IMMT: variants seen among roughly 807,000 people sequenced by gnomAD.
IMMT encodes the protein MICOS complex subunit MIC60.
In IMMT, 40 loss-of-function variants were observed where a neutral mutation model predicts 92.7. That is an observed-to-expected ratio of 0.43 (90% CI 0.34 to 0.56). IMMT has a LOEUF of 0.56. Ranked by LOEUF, IMMT falls within the 20% of genes least tolerant of loss-of-function variation. The pLI is 0.03. For synonymous variants in IMMT, 322 were observed against 336.1 expected (o/e 0.96, Z 0.46); for missense variants, 831 against 912.1 (o/e 0.91, Z 1.14).
chr2:86,178,483 G>T (rs944145227), intron 3 of IMMT, among the ~76,000 whole-genome samples: 3 of 151,194 alleles, frequency 2.0e-5, no homozygotes, highest in African/African-American at 7.3e-5. Flanking sequence ...AAAATTAGCC[G>T]GGTGTGGTGG....
chr2:86,195,064 G>A (rs1297931397), intron 1 of IMMT: 1 of 394,528 alleles, frequency 2.5e-6, no homozygotes. Flanking sequence ...GGTCCTGGAC[G>A]GGGGCAGCGC....
chr2:86,192,072 A>G (rs1047312756), intron 1 of IMMT, among the ~76,000 whole-genome samples: 3 of 152,158 alleles, frequency 2.0e-5, no homozygotes, highest in Non-Finnish European at 4.4e-5. Flanking sequence ...ATCTCTACTA[A>G]AAGTCCAAAA....
In IMMT at chr2:86,143,966, C is replaced by G. The variant is rs2104479959; in HGVS notation, c.*302G>C. On this transcript the variant is annotated 3_prime_UTR_variant, in exon 15 of 15. Transcript: ENST00000410111. ...ATCTTGTTGCTTTATTCAGTTTGCTCCGAGGGCAAAATCAACAGTAGTAGA... is the reference window on the plus strand; with the variant it reads ...ATCTTGTTGCTTTATTCAGTTTGCTGCGAGGGCAAAATCAACAGTAGTAGA... The G allele has an allele frequency of 4.6e-6, 2 of 435,832 alleles. No homozygotes were observed. Among genetic ancestry groups the G allele is most frequent in the East Asian group, 9.4e-5 (2 of 21,260 alleles). The allele number at this position is 435,832 out of a possible 1,614,324, so 27.0% of individuals were successfully genotyped here.
chr2:86,146,374 T>C (rs941957450), intron 13 of IMMT, among the ~76,000 whole-genome samples, 177 bp from the exon 14 acceptor site: 2 of 102,948 alleles, frequency 1.9e-5, no homozygotes, highest in African/African-American at 4.3e-5. Flanking sequence ...GTATATAATA[T>C]ATTTTTTTTT....
chr2:86,191,924 T>A (rs1384500944), intron 1 of IMMT, among the ~76,000 whole-genome samples: 2 of 148,128 alleles, frequency 1.4e-5, no homozygotes, highest in Non-Finnish European at 3.0e-5. Context: ...CAAAAAAAAT[T>A]AATAAATAAA....
Position 86,151,445 on chromosome 2 carries a change from T to A in IMMT, c.1253A>T (p.Glu418Val), listed in dbSNP as rs750909989. 3 of 1,613,920 alleles carry A rather than the reference T, an allele frequency of 1.9e-6. No individual in the cohort carries two copies. In the Admixed American group the frequency reaches 5.0e-5, roughly 27 times the overall value. Residue 418 changes from glutamate (E) to valine (V), a missense_variant, in exon 12 of 15, where the codon GAG (glutamate) becomes GTG (valine). By Grantham distance (121) the Glu-to-Val change is moderately radical (BLOSUM62 -2). Coordinates refer to ENST00000410111, the MANE Select transcript of IMMT (RefSeq NM_006839.3). ...TTCGGTGGCCTTCTGTTCTGCCAGC[T>A]CTCTGTTCAGCTGATCAATACGACG... is the stretch of plus-strand genomic sequence containing the variant. Reference protein sequence around the residue: ...AHRRIDQLNRELAEQKATEKQ... With the variant: ...AHRRIDQLNRVLAEQKATEKQ...
intron 2 of IMMT, among the ~76,000 whole-genome samples, chr2:86,180,415 G>A (rs188682904): frequency 7.9e-5 from 12 of 151,834 alleles, no homozygotes; most frequent in East Asian, 6.0e-4. Flanking sequence ...ACAGGCATGC[G>A]CCACTACGCC....
intron 14 of IMMT, 34 bp from the exon 15 acceptor site, chr2:86,144,915 T>G: frequency 6.4e-7 from 1 of 1,551,126 alleles, no homozygotes; most frequent in Non-Finnish European, 8.7e-7. Context: ...CAAACATTTT[T>G]CTCTCCATCT....
At chr2:86,188,579 C>T (rs371004310) in intron 1 of IMMT, among the ~76,000 whole-genome samples, 1 of 152,062 alleles carries the variant, frequency 6.6e-6, no homozygotes, top group African/African-American at 2.4e-5. Context: ...GTGCATGCCA[C>T]CACACCCAGC....
At chr2:86,160,552 G>A (rs1676195778) in intron 8 of IMMT, among the ~76,000 whole-genome samples, 1 of 152,176 alleles carries the variant, frequency 6.6e-6, no homozygotes, top group African/African-American at 2.4e-5. Flanking sequence ...TAAAAGATAT[G>A]CTAGTTTTAT....
chr2:86,192,020 C>A (rs1200451608), intron 1 of IMMT, among the ~76,000 whole-genome samples: 1 of 152,186 alleles, frequency 6.6e-6, no homozygotes, highest in Non-Finnish European at 1.5e-5. Context: ...ATTGCTTGAG[C>A]CCAGAAGTTC....
At chr2:86,185,198 T>C (rs551803568) in intron 1 of IMMT, among the ~76,000 whole-genome samples, 1 of 150,966 alleles carries the variant, frequency 6.6e-6, no homozygotes, top group Non-Finnish European at 1.5e-5. Flanking sequence ...GAGTTCCAAG[T>C]ATAGTGTTCA....
intron 10 of IMMT, among the ~76,000 whole-genome samples, chr2:86,157,660 C>T (rs1269151273): frequency 6.6e-6 from 1 of 151,982 alleles, no homozygotes; most frequent in African/African-American, 2.4e-5. Context: ...CAGTGGCTCA[C>T]ACCTGTAATC....
chr2:86,162,341 G>GTTT (rs572177860), intron 7 of IMMT, among the ~76,000 whole-genome samples: 4 of 140,228 alleles, frequency 2.9e-5, no homozygotes, highest in East Asian at 4.3e-4. Flanking sequence ...AAGGAGAGTT[G>GTTT]TTTTTTTTTT....
chr2:86,162,211 TA>T (rs1676336513), intron 7 of IMMT, 132 bp from the exon 8 acceptor site: 1 of 562,978 alleles, frequency 1.8e-6, no homozygotes, highest in Non-Finnish European at 3.1e-6. Context: ...TTCTCCAGAG[TA>T]AGAACTCTTA....
At chr2:86,176,101 GGGTAT>G in intron 3 of IMMT, among the ~76,000 whole-genome samples, 1 of 152,194 alleles carries the variant, frequency 6.6e-6, no homozygotes, top group African/African-American at 2.4e-5. Flanking sequence ...AGATTGCCAA[GGGTAT>G]TGAATGTCAA....
intron 1 of IMMT, among the ~76,000 whole-genome samples, chr2:86,185,182 A>G (rs1672690928): frequency 6.6e-6 from 1 of 152,018 alleles, no homozygotes; most frequent in Non-Finnish European, 1.5e-5. Context: ...AAAAAAAAAA[A>G]CAAAAGAGTT....
chr2:86,166,062 T>C (rs1676651480), intron 7 of IMMT, among the ~76,000 whole-genome samples: 1 of 152,254 alleles, frequency 6.6e-6, no homozygotes, highest in Non-Finnish European at 1.5e-5. Flanking sequence ...CCAAGCACAG[T>C]GGCTCACGCC....
At chr2:86,176,270 C>T (rs1361586829) in intron 3 of IMMT, among the ~76,000 whole-genome samples, 1 of 152,150 alleles carries the variant, frequency 6.6e-6, no homozygotes, top group African/African-American at 2.4e-5. Flanking sequence ...ATCTTTTAAA[C>T]AATACAAAAT....
Sources: gnomAD v4.1 joint callset for allele counts (sites outside exome capture counted in the v4.1 genomes callset) on GRCh38, gnomAD v4.1.1 for gene constraint, MANE v1.5 for transcripts, NCBI Gene and HGNC (gene_info 2026-07-23, HGNC 2026-07-21) for gene names.